IFT27: variants seen among roughly 807,000 people sequenced by gnomAD.
IFT27 encodes the protein intraflagellar transport protein 27 homolog.
Under a neutral mutation model 23.9 loss-of-function variants are expected in IFT27, and 19 were observed. That is an observed-to-expected ratio of 0.79 (90% CI 0.55 to 1.16). The LOEUF is 1.16. Ranked by LOEUF, IFT27 falls within the 50% of genes most tolerant of loss-of-function variation. IFT27 has a pLI of 0.00. For missense variants in IFT27, 206 were observed against 228.7 expected (o/e 0.90, Z 0.64); for synonymous variants, 91 against 89.1 (o/e 1.02, Z -0.12).
At chr22:36,769,842 C>A (rs1938352082) in intron 1 of IFT27, among the ~76,000 whole-genome samples, 1 of 152,168 alleles carries the variant, frequency 6.6e-6, no homozygotes. Context: ...GTTGGCTCCT[C>A]CTGCTTATGA....
chr22:36,766,152 T>C lies in IFT27; in HGVS notation c.220A>G (p.Met74Val). 6.2e-7 allele frequency: 1 copy of C among 1,614,156 alleles called. No individual in the cohort carries two copies. The highest frequency in any genetic ancestry group is 8.5e-7 in the Non-Finnish European group (1 of 1,179,992). ...DSAGKELFSEMLDKLWESPNV... is the reference protein window; with the variant it reads ...DSAGKELFSEVLDKLWESPNV... ...GTGCTACTTGCCAATTTATCCAGCA[T>C]TTCCGAAAACAGCTCCTTGCCAGCA... Residue 74 changes from methionine (M) to valine (V), a missense_variant, in exon 4 of 7, where the codon ATG becomes GTG. Transcript: ENST00000433985.
chr22:36,766,379 C>T lies in IFT27; in HGVS notation c.175-182G>A, dbSNP rs1938250360. 8.2e-6 allele frequency: 5 copies of T among 610,842 alleles called. No homozygotes were observed. The South Asian group carries it at 9.4e-5, about 11-fold the overall frequency. 37.8% of individuals were successfully genotyped at this position (610,842 alleles called of 1,614,324 possible). A position where few individuals can be genotyped will look rare whatever the true frequency, so the allele number is the denominator to read the frequency against. On this transcript the variant is annotated intron_variant, in intron 3 of 6. Coordinates refer to ENST00000433985, the MANE Select transcript of IFT27 (RefSeq NM_001177701.3). ...AGATGAAGGGGAAAGGAGCGAACTC[C>T]AGAGTCTTAGAGAGGCAGTACGACG...
At chr22:36,774,435 G>C (rs1184655416) in intron 1 of IFT27, among the ~76,000 whole-genome samples, 1 of 152,186 alleles carries the variant, frequency 6.6e-6, no homozygotes, top group African/African-American at 2.4e-5. Flanking sequence ...GCCAGATCTA[G>C]GGGCTGAAAT....
At chr22:36,771,999 G>A (rs1938396149) in intron 1 of IFT27, among the ~76,000 whole-genome samples, 1 of 152,124 alleles carries the variant, frequency 6.6e-6, no homozygotes, top group South Asian at 2.1e-4. Context: ...CTGCATTCCT[G>A]TTCGCCCAGT....
In IFT27 at chr22:36,775,681, G is replaced by T; in HGVS notation, c.27C>A (p.Ile9=). 1 of 1,614,152 alleles carries T rather than the reference G, an allele frequency of 6.2e-7. No homozygotes were observed. Among genetic ancestry groups the T allele is most frequent in the Non-Finnish European group, 8.5e-7 (1 of 1,180,016 alleles). The change falls in exon 1 of 7, where the codon ATC becomes ATA. Residue 9 remains isoleucine, a synonymous_variant. Coordinates refer to ENST00000433985, the MANE Select transcript of IFT27 (RefSeq NM_001177701.3). ...GCAAGTTTTCAGACTCACCTGCCAG[G>T]ATGCATTTGGCTGCCAGCTTCACCA... MVKLAAKC[I]LAGDPAVGKT...
chr22:36,775,780 G>A lies in IFT27; in HGVS notation c.-73C>T. On this transcript the variant is annotated 5_prime_UTR_variant, in exon 1 of 7. Transcript: ENST00000433985. ...CTAGAGACGCGAGTGGGTGGGCTTC[G>A]GGCCCTGGGCTGGCCTGGGACGGGA... The A allele has an allele frequency of 6.7e-7, 1 of 1,498,504 alleles. No homozygotes were observed. The allele number at this position is 1,498,504 out of a possible 1,614,324, so 92.8% of individuals were successfully genotyped here. A position where few individuals can be genotyped will look rare whatever the true frequency, so the allele number is the denominator to read the frequency against.
chr22:36,768,178 C>A, intron 1 of IFT27: 1 of 479,964 alleles, frequency 2.1e-6, no homozygotes, highest in Non-Finnish European at 4.2e-6. Context: ...CTGAAACACG[C>A]CCTATGGGGA....
intron 1 of IFT27, among the ~76,000 whole-genome samples, chr22:36,769,274 C>G (rs1475505431): frequency 6.6e-6 from 1 of 152,086 alleles, no homozygotes; most frequent in Non-Finnish European, 1.5e-5. Flanking sequence ...GACTGAGGCT[C>G]AGAGAGGCTG....
chr22:36,767,726 A>G, intron 2 of IFT27, 57 bp downstream of exon 2: 2 of 1,465,066 alleles, frequency 1.4e-6, no homozygotes, highest in Non-Finnish European at 1.9e-6. Context: ...GTCACTCATC[A>G]TGGTGAACCG....
chr22:36,772,248 G>A (rs1452292257), intron 1 of IFT27, among the ~76,000 whole-genome samples: 2 of 152,148 alleles, frequency 1.3e-5, no homozygotes, highest in African/African-American at 4.8e-5. Flanking sequence ...TGTATATCAA[G>A]AGGCAGCATA....
chr22:36,765,936 G>C (rs544475590), intron 4 of IFT27, among the ~76,000 whole-genome samples: 3 of 152,344 alleles, frequency 2.0e-5, no homozygotes, highest in African/African-American at 7.2e-5. Flanking sequence ...CCAGAGCTGG[G>C]GCCCGGGCAG....
intron 6 of IFT27, chr22:36,762,295 G>GT (rs1329704837): frequency 2.0e-5 from 3 of 152,354 alleles, no homozygotes; most frequent in Admixed American, 1.3e-4. Context: ...AGTAATTGCA[G>GT]TTTTTGCCAG....
Position 36,766,212 on chromosome 22 carries a change from G to C in IFT27, c.175-15C>G, listed in dbSNP as rs986835997. 2 of 1,613,086 alleles carry C rather than the reference G, an allele frequency of 1.2e-6. No individual in the cohort carries two copies. Among genetic ancestry groups the C allele is most frequent in the Non-Finnish European group, 1.7e-6 (2 of 1,179,170 alleles). ...ATGAAGAGTTCCTACAATCAGAAAA[G>C]CAAGAAAAGTCTCCACGTGGAAAAA... is the stretch of plus-strand genomic sequence containing the variant. On this transcript the variant is annotated splice_polypyrimidine_tract_variant and intron_variant, in intron 3 of 6. Transcript: ENST00000433985.
chr22:36,767,673 C>G (rs1286309389), intron 2 of IFT27, 110 bp downstream of exon 2: 2 of 1,014,458 alleles, frequency 2.0e-6, no homozygotes, highest in South Asian at 1.3e-5. Context: ...CTCTGAGCAG[C>G]CTTTCATCAG....
chr22:36,772,456 G>A (rs1248048791), intron 1 of IFT27: 1 of 957,682 alleles, frequency 1.0e-6, no homozygotes, highest in Non-Finnish European at 1.2e-6. Context: ...GCATATATAA[G>A]TACTATTTAA....
At chr22:36,767,669 G>T in intron 2 of IFT27, 114 bp downstream of exon 2, 1 of 983,480 alleles carries the variant, frequency 1.0e-6, no homozygotes, top group Non-Finnish European at 1.6e-6. Context: ...GGCCCTCTGA[G>T]CAGCCTTTCA....
At position 36,766,088 on chromosome 22, in the gene IFT27, G is replaced by A. The variant is rs375310604; in HGVS notation, c.234+50C>T. On this transcript the variant is annotated intron_variant, in intron 4 of 6. Transcript: ENST00000433985. The stretch of plus-strand genomic sequence containing the variant: ...TGTGTGAGCACTGTCAGGGGTAAAC[G>A]TTTTGGCAGGAGGTGGTGACAGTCA... The A allele has an allele frequency of 4.4e-5, 65 of 1,470,944 alleles. No individual in the cohort carries two copies. The African/African-American group carries it at 6.0e-4, about 13-fold the overall frequency. The allele number at this position is 1,470,944 out of a possible 1,614,324, so 91.1% of individuals were successfully genotyped here. A position where few individuals can be genotyped will look rare whatever the true frequency, so the allele number is the denominator to read the frequency against.
chr22:36,766,875 T>A (rs889978747), intron 3 of IFT27, among the ~76,000 whole-genome samples: 2 of 151,868 alleles, frequency 1.3e-5, no homozygotes, highest in African/African-American at 4.8e-5. Flanking sequence ...ATTGTCTGTT[T>A]TGCATATTGG....
At chr22:36,761,272 A>T (rs970730545) in intron 6 of IFT27, 1 of 152,216 alleles carries the variant, frequency 6.6e-6, no homozygotes, top group South Asian at 2.1e-4. Context: ...ATTGGGGTGC[A>T]GGGACAATTT....
Sources: gnomAD v4.1 joint callset for allele counts (sites outside exome capture counted in the v4.1 genomes callset) on GRCh38, gnomAD v4.1.1 for gene constraint, MANE v1.5 for transcripts, NCBI Gene and HGNC (gene_info 2026-07-23, HGNC 2026-07-21) for gene names.